Variants in WDR7 observed in about 807,000 individuals in gnomAD.
WDR7 encodes WD repeat-containing protein 7.
A neutral mutation model predicts 169.4 loss-of-function variants in WDR7; 46 were observed. That is an observed-to-expected ratio of 0.27 (90% CI 0.21 to 0.35). The LOEUF (loss-of-function observed/expected upper bound fraction) is 0.35. Among genes scored for constraint, WDR7 ranks in the 10% least tolerant of loss-of-function variants. The pLI is 1.00. For synonymous variants in WDR7, 612 were observed against 666.8 expected, an observed-to-expected ratio of 0.92 and a Z score of 1.27; for missense variants, 1,534 against 1,859.3, an observed-to-expected ratio of 0.83 and a Z score of 3.22.
chr18:57,008,522 G>A (rs976066900), intron 26 of WDR7, among the ~76,000 whole-genome samples: 38 of 152,268 alleles, frequency 2.5e-4, no homozygotes, highest in Middle Eastern at 3.4e-3. Context: ...AGAGTGACAC[G>A]GGAGTGCTGG....
chr18:56,720,430 C>T (rs1343614805), intron 13 of WDR7, among the ~76,000 whole-genome samples: 3 of 152,062 alleles, frequency 2.0e-5, no homozygotes, highest in Admixed American at 1.3e-4. Flanking sequence ...GCCTGGGAGA[C>T]AGAGAGAGAC....
intron 21 of WDR7, among the ~76,000 whole-genome samples, chr18:56,890,217 G>A (rs769198718): frequency 3.6e-4 from 55 of 152,168 alleles, no homozygotes; most frequent in Non-Finnish European, 6.6e-4. Flanking sequence ...CTAAATGGAA[G>A]CCTCAATTCT....
intron 20 of WDR7, among the ~76,000 whole-genome samples, chr18:56,862,602 A>C (rs142518408): frequency 6.6e-6 from 1 of 151,924 alleles, no homozygotes; most frequent in African/African-American, 2.4e-5. Context: ...ATAAAATAAA[A>C]CCCTGTCTTG....
chr18:56,677,050 ATTCTGTGTTT>A (rs1045841596), intron 2 of WDR7, among the ~76,000 whole-genome samples: 5 of 152,122 alleles, frequency 3.3e-5, no homozygotes, highest in African/African-American at 9.7e-5. Flanking sequence ...GTGTTGCAAT[ATTCTGTGTTT>A]TTCTGTGTAC....
Position 56,967,732 on chromosome 18 carries a change from G to A in WDR7, c.4164+5203G>A, listed in dbSNP as rs533823681. ...TTGGGTGGAGTATCCACAGGGAATT[G>A]GCTCTAGGCCACCCTGGGATACCAA... On this transcript the variant is annotated intron_variant, in intron 26 of 27. Coordinates refer to ENST00000254442, the MANE Select transcript of WDR7 (RefSeq NM_015285.3). Among the ~76,000 whole-genome samples, 3 of 152,266 alleles carry A rather than the reference G, an allele frequency of 2.0e-5. No individual in the cohort carries two copies. In the South Asian group the frequency reaches 6.2e-4, roughly 32 times the overall value.
At chr18:56,921,868 C>T (rs1396876168) in intron 21 of WDR7, among the ~76,000 whole-genome samples, 2 of 152,150 alleles carry the variant, frequency 1.3e-5, no homozygotes, top group Non-Finnish European at 2.9e-5. Flanking sequence ...CACAGAGGCC[C>T]TTAGGAATCA....
At chr18:56,877,043 C>T (rs2046033085) in intron 20 of WDR7, among the ~76,000 whole-genome samples, 1 of 151,618 alleles carries the variant, frequency 6.6e-6, no homozygotes, top group African/African-American at 2.4e-5. Context: ...AAAACCAAAA[C>T]AAAAATAATC....
chr18:56,664,511 A>C (rs1440589835), intron 1 of WDR7, among the ~76,000 whole-genome samples: 1 of 138,108 alleles, frequency 7.2e-6, no homozygotes, highest in Non-Finnish European at 1.5e-5. Context: ...TGCAGAGTTC[A>C]GAAGTTTTTT....
intron 19 of WDR7, among the ~76,000 whole-genome samples, chr18:56,801,396 A>G (rs2044670493): frequency 6.6e-6 from 1 of 152,184 alleles, no homozygotes; most frequent in Non-Finnish European, 1.5e-5. Context: ...TTTGTAATTT[A>G]CTTAGACTCA....
chr18:56,852,074 A>C (rs1157058451), intron 20 of WDR7, among the ~76,000 whole-genome samples: 1 of 152,150 alleles, frequency 6.6e-6, no homozygotes, highest in Non-Finnish European at 1.5e-5. Flanking sequence ...TTAGTCTTTC[A>C]TTCCTCCATG....
chr18:56,874,200 A>G (rs1478214416), intron 20 of WDR7, among the ~76,000 whole-genome samples: 1 of 152,212 alleles, frequency 6.6e-6, no homozygotes, highest in Non-Finnish European at 1.5e-5. Context: ...TGAGATACAG[A>G]TTATCAAAAT....
chr18:56,897,556 T>C (rs1351547231), intron 21 of WDR7, among the ~76,000 whole-genome samples: 15 of 151,950 alleles, frequency 9.9e-5, no homozygotes, highest in Admixed American at 9.9e-4. Flanking sequence ...TAAAGGGTGC[T>C]AAGAAAGGGG....
intron 26 of WDR7, among the ~76,000 whole-genome samples, chr18:57,004,390 C>G (rs1179102763): frequency 6.6e-6 from 1 of 152,114 alleles, no homozygotes; most frequent in Non-Finnish European, 1.5e-5. Flanking sequence ...TGCTTTTCCC[C>G]ATAGAAACTA....
intron 25 of WDR7, among the ~76,000 whole-genome samples, chr18:56,942,171 A>G (rs2047043039): frequency 6.6e-6 from 1 of 152,112 alleles, no homozygotes; most frequent in Non-Finnish European, 1.5e-5. Context: ...AGGACCGGGT[A>G]TGGGGAGGGA....
intron 20 of WDR7, among the ~76,000 whole-genome samples, chr18:56,827,070 ATT>A (rs1278832369): frequency 1.3e-5 from 2 of 152,196 alleles, no homozygotes; most frequent in Admixed American, 6.5e-5. Flanking sequence ...GCCTGCGCTT[ATT>A]GCGGAGGTGG....
intron 16 of WDR7, among the ~76,000 whole-genome samples, chr18:56,772,763 T>C (rs558738314): frequency 6.6e-6 from 1 of 150,764 alleles, no homozygotes; most frequent in African/African-American, 2.4e-5. Context: ...ATATTGGGAG[T>C]AAAGGAAAGG....
At chr18:56,804,983 G>C (rs761367770) in intron 19 of WDR7, among the ~76,000 whole-genome samples, 15 of 152,054 alleles carry the variant, frequency 9.9e-5, no homozygotes, top group Non-Finnish European at 2.2e-4. Context: ...TTTCCCTTCT[G>C]CATTTGTTCT....
intron 1 of WDR7, among the ~76,000 whole-genome samples, chr18:56,672,226 G>A (rs1026855507): frequency 3.2e-4 from 48 of 152,222 alleles, no homozygotes; most frequent in African/African-American, 1.1e-3. Context: ...TTTAAAAACT[G>A]TGAATGCCTG....
chr18:56,941,446 G>A (rs2047034176), intron 25 of WDR7, among the ~76,000 whole-genome samples: 1 of 152,148 alleles, frequency 6.6e-6, no homozygotes, highest in Admixed American at 6.5e-5. Flanking sequence ...GGGCTTTGCA[G>A]GATAATTAGG....
Sources: gnomAD v4.1 joint callset for allele counts (sites outside exome capture counted in the v4.1 genomes callset) on GRCh38, gnomAD v4.1.1 for gene constraint, MANE v1.5 for transcripts, NCBI Gene and HGNC (gene_info 2026-07-23, HGNC 2026-07-21) for gene names.